The following PTPN3 variants were observed in gnomAD, a reference collection of about 807,000 sequenced individuals.
PTPN3 encodes tyrosine-protein phosphatase non-receptor type 3.
Under a neutral mutation model 132.7 loss-of-function variants are expected in PTPN3, and 96 were observed. The ratio of observed to expected loss-of-function variants is 0.72; its 90% CI spans 0.61 to 0.86. The LOEUF (loss-of-function observed/expected upper bound fraction) is 0.86. Among genes scored for constraint, PTPN3 ranks in the 40% least tolerant of loss-of-function variants. The probability of loss-of-function intolerance (pLI) is 0.00; values close to 1 mark genes in which losing one functional copy is unlikely to be tolerated. For missense variants in PTPN3, 1,125 were observed against 1,159.6 expected (o/e 0.97, Z 0.43); for synonymous variants, 398 against 429.0 (o/e 0.93, Z 0.89).
At chr9:109,457,091 A>G in intron 4 of PTPN3, 82 bp downstream of exon 4, 3 of 1,424,686 alleles carry the variant, frequency 2.1e-6, no homozygotes, top group African/African-American at 1.4e-5. Context: ...CAGATGTCAC[A>G]GGCACTGACG....
the PTPN3 span, chr9:109,534,277 G>C: frequency 2.6e-6 from 4 of 1,543,086 alleles, no homozygotes; most frequent in Non-Finnish European, 3.5e-6. Flanking sequence ...GCTGAGGGCG[G>C]GGGGCGGCGA....
chr9:109,464,842 T>G (rs549453230), intron 1 of PTPN3, among the ~76,000 whole-genome samples: 1 of 152,338 alleles, frequency 6.6e-6, no homozygotes, highest in East Asian at 1.9e-4. Context: ...TGCTGCATGA[T>G]TCCATTTATG....
At chr9:109,381,561 G>C (rs922665910) in intron 25 of PTPN3, 91 bp downstream of exon 25, 56 of 1,523,276 alleles carry the variant, frequency 3.7e-5, no homozygotes, top group Non-Finnish European at 4.8e-5. Context: ...CTGAGCTGCA[G>C]TCTGTTGACT....
chr9:109,405,155 C>CCT (rs1439508090), intron 18 of PTPN3, among the ~76,000 whole-genome samples: 13 of 152,210 alleles, frequency 8.5e-5, no homozygotes, highest in Non-Finnish European at 1.9e-4. Flanking sequence ...TTCAGCCTTA[C>CCT]CTCTTTAGTG....
chr9:109,411,181 T>A (rs1406184610), intron 14 of PTPN3, among the ~76,000 whole-genome samples: 1 of 152,218 alleles, frequency 6.6e-6, no homozygotes, highest in Admixed American at 6.5e-5. Flanking sequence ...TGGACAGCGC[T>A]GTCTTAGAGA....
chr9:109,422,310 T>C (rs1453778978), intron 13 of PTPN3, among the ~76,000 whole-genome samples: 1 of 152,238 alleles, frequency 6.6e-6, no homozygotes, highest in African/African-American at 2.4e-5. Context: ...CCTTACATCA[T>C]TTACATCACG....
chr9:109,430,437 C>T (rs1479104536), intron 10 of PTPN3, among the ~76,000 whole-genome samples: 1 of 152,102 alleles, frequency 6.6e-6, no homozygotes, highest in Non-Finnish European at 1.5e-5. Flanking sequence ...CACCTGACAG[C>T]TCTCTCCCTG....
At chr9:109,514,999 T>C in the PTPN3 span, among the ~76,000 whole-genome samples, 1 of 152,028 alleles carries the variant, frequency 6.6e-6, no homozygotes, top group African/African-American at 2.4e-5. Context: ...AATGCAGCAT[T>C]ATTGGGGCCA....
intron 14 of PTPN3, among the ~76,000 whole-genome samples, chr9:109,414,264 A>G (rs1362831383): frequency 6.6e-6 from 1 of 152,238 alleles, no homozygotes; most frequent in South Asian, 2.1e-4. Flanking sequence ...AGCTTCTGAG[A>G]ATGTGCTGTG....
At chr9:109,428,303 A>C (rs1298657619) in intron 11 of PTPN3, among the ~76,000 whole-genome samples, 1 of 152,216 alleles carries the variant, frequency 6.6e-6, no homozygotes, top group Non-Finnish European at 1.5e-5. Flanking sequence ...ACTCCAAAGC[A>C]AGTTAATCCT....
chr9:109,406,395 G>A, intron 18 of PTPN3, 67 bp downstream of exon 18: 1 of 1,530,552 alleles, frequency 6.5e-7, no homozygotes, highest in Non-Finnish European at 8.9e-7. Context: ...AGCAGATAAA[G>A]GGCTGGAGCA....
chr9:109,438,355 T>A, intron 7 of PTPN3, 121 bp from the exon 8 acceptor site: 1 of 1,098,250 alleles, frequency 9.1e-7, no homozygotes. Context: ...TCTGGTAAGT[T>A]CTACACCACA....
At chr9:109,398,357 T>C (rs771185310) in intron 19 of PTPN3, among the ~76,000 whole-genome samples, 4 of 152,196 alleles carry the variant, frequency 2.6e-5, no homozygotes, top group Non-Finnish European at 5.9e-5. Context: ...TCTTATAAAG[T>C]TTTCAGCTAC....
rs748180166 is a variant in PTPN3 at position 109,382,433 on chromosome 9, G to A, written c.2397C>T (p.His799=). 6.2e-7 allele frequency: 1 copy of A among 1,614,228 alleles called. No homozygotes were observed. Among genetic ancestry groups the A allele is most frequent in the South Asian group, 1.1e-5 (1 of 91,086 alleles). ...LVTNTQTGEE[H]TVTHLQYVAW... ...CGACGTACTGGAGATGTGTCACTGT[G>A]TGTTCTTCCCCGGTCTGTGGGAGAT... Residue 799 remains histidine (H), a synonymous_variant, in exon 24 of 26, where the codon CAC becomes CAT. Coordinates refer to ENST00000374541, the MANE Select transcript of PTPN3 (RefSeq NM_002829.4).
intron 19 of PTPN3, among the ~76,000 whole-genome samples, chr9:109,403,076 A>G (rs1841281998): frequency 6.6e-6 from 1 of 152,160 alleles, no homozygotes; most frequent in South Asian, 2.1e-4. Context: ...CCTGTCTCTA[A>G]ATAAATAAAT....
chr9:109,469,173 A>G (rs759182474), intron 1 of PTPN3, among the ~76,000 whole-genome samples: 3 of 152,192 alleles, frequency 2.0e-5, no homozygotes, highest in Non-Finnish European at 4.4e-5. Context: ...AGCCTGAGAC[A>G]ACGAAAGGGT....
At chr9:109,408,859 T>TAA (rs1841829977) in intron 16 of PTPN3, among the ~76,000 whole-genome samples, 1 of 108,368 alleles carries the variant, frequency 9.2e-6, no homozygotes. Context: ...TATATATATA[T>TAA]GGGCTTTATA....
At chr9:109,521,477 G>A in the PTPN3 span, among the ~76,000 whole-genome samples, 7 of 152,086 alleles carry the variant, frequency 4.6e-5, no homozygotes, top group Admixed American at 4.6e-4. Flanking sequence ...TGGAACTATT[G>A]CATCCCAGTT....
In PTPN3 at chr9:109,478,178, G is replaced by A. The variant is rs954917151; in HGVS notation, c.-17-14727C>T. Among the ~76,000 whole-genome samples the A allele has an allele frequency of 3.3e-5, 5 of 152,228 alleles. No homozygotes were observed. In the East Asian group the frequency reaches 9.6e-4, roughly 29 times the overall value. ...GGTAGTGAACCTTGGAGGGGAAGGA[G>A]AGGGCGGCTCAGACCAGTGGCTACA... On this transcript the variant is annotated intron_variant, in intron 1 of 25. Coordinates refer to ENST00000374541, the MANE Select transcript of PTPN3 (RefSeq NM_002829.4).
Sources: gnomAD v4.1 joint callset for allele counts (sites outside exome capture counted in the v4.1 genomes callset) on GRCh38, gnomAD v4.1.1 for gene constraint, MANE v1.5 for transcripts, NCBI Gene and HGNC (gene_info 2026-07-23, HGNC 2026-07-21) for gene names.